The following KIAA1549L variants were observed in gnomAD, a reference collection of about 807,000 sequenced individuals.
KIAA1549L encodes KIAA1549 like.
In KIAA1549L, 88 loss-of-function variants were observed where a neutral mutation model predicts 160.7. That is an observed-to-expected ratio of 0.55 (90% confidence interval 0.46 to 0.65). The LOEUF (loss-of-function observed/expected upper bound fraction) is 0.65, where lower values mean the gene tolerates loss of function less well. KIAA1549L is among the 30% of genes least tolerant of loss of function. The pLI is 0.00. For synonymous variants in KIAA1549L, 950 were observed against 976.7 expected (o/e 0.97, Z 0.51); for missense variants, 2,258 against 2,437.5 (o/e 0.93, Z 1.55).
Position 33,542,653 on chromosome 11 carries a change from C to T in KIAA1549L, c.1090C>T (p.Leu364Phe). The change falls in exon 2 of 21, where the codon CTT (leucine) becomes TTT (phenylalanine). Residue 364 changes from leucine to phenylalanine, a missense_variant. Transcript: ENST00000658780. ...TCCCCCTCCCCCAGCACTTGGAAGT[C>T]TTCTTCAGCTTCCAGATGGAAGCCC... ...PSPPPPALGSLLQLPDGSPSW... is the reference protein window; with the variant it reads ...PSPPPPALGSFLQLPDGSPSW... 3 of 1,613,792 alleles carry T rather than the reference C, an allele frequency of 1.9e-6. No homozygotes were observed. Among genetic ancestry groups the T allele is most frequent in the Non-Finnish European group, 2.5e-6 (3 of 1,179,802 alleles).
At chr11:33,526,232 C>G (rs1169884458) in intron 1 of KIAA1549L, among the ~76,000 whole-genome samples, 1 of 152,172 alleles carries the variant, frequency 6.6e-6, no homozygotes, top group Non-Finnish European at 1.5e-5. Context: ...GCCATTACAG[C>G]AACTCATAAC....
At chr11:33,405,123 C>T (rs1480381836) in intron 1 of KIAA1549L, among the ~76,000 whole-genome samples, 1 of 151,588 alleles carries the variant, frequency 6.6e-6, no homozygotes, top group Non-Finnish European at 1.5e-5. Flanking sequence ...TTATATGAAA[C>T]CATTATTCAA....
At chr11:33,644,225 T>C (rs1851659618) in intron 16 of KIAA1549L, among the ~76,000 whole-genome samples, 2 of 152,240 alleles carry the variant, frequency 1.3e-5, no homozygotes, top group Admixed American at 1.3e-4. Context: ...GTCCTAACTC[T>C]AGGAGATAAG....
chr11:33,389,583 A>T (rs1850234205), intron 1 of KIAA1549L, among the ~76,000 whole-genome samples: 1 of 152,232 alleles, frequency 6.6e-6, no homozygotes, highest in Non-Finnish European at 1.5e-5. Flanking sequence ...TGAACGTATG[A>T]ATCAAGCTGG....
intron 7 of KIAA1549L, 101 bp from the exon 8 acceptor site, chr11:33,561,575 T>C (rs1854859517): frequency 1.1e-6 from 1 of 948,218 alleles, no homozygotes; most frequent in Non-Finnish European, 1.7e-6. Context: ...AAGAACAGCC[T>C]GGGCAACATA....
rs1418034628 is a variant in KIAA1549L at position 33,668,050 on chromosome 11, G to A, written c.6337G>A (p.Ala2113Thr). 5.0e-6 allele frequency: 8 copies of A among 1,613,888 alleles called. No homozygotes were observed. Among genetic ancestry groups the A allele is most frequent in the African/African-American group, 2.7e-5 (2 of 74,934 alleles). The change falls in exon 21 of 21, where the codon GCT (alanine) becomes ACT (threonine). Residue 2113 changes from alanine to threonine, a missense_variant. Ala to Thr is a moderately conservative substitution (Grantham distance 58). Coordinates refer to ENST00000658780, the MANE Select transcript of KIAA1549L (RefSeq NM_012194.3). ...QSLAENDPSD[A>T]PLTNISTAAL... ...CCTGGCAGAAAACGACCCGTCTGAC[G>A]CTCCCCTGACCAACATCTCCACTGC...
chr11:33,440,461 G>A (rs1830732), intron 1 of KIAA1549L, among the ~76,000 whole-genome samples: 67,731 of 151,968 alleles, frequency 0.45, 15,332 homozygotes, highest in Admixed American at 0.49. Context: ...TAAACACTCT[G>A]TTTCTATTCT....
rs550839787 is a variant in KIAA1549L, at chr11:33,478,313, T to G, written c.239-63489T>G. Among the ~76,000 whole-genome samples, 12 of 152,358 alleles carry G rather than the reference T, an allele frequency of 7.9e-5. No individual in the cohort carries two copies. In the East Asian group the frequency reaches 1.9e-3, roughly 24 times the overall value. On this transcript the variant is annotated intron_variant, in intron 1 of 20. Coordinates refer to ENST00000658780, the MANE Select transcript of KIAA1549L (RefSeq NM_012194.3). ...CTAGCCTGACAAGCATGCCTGGCTT[T>G]GCAAGCCCCCCAGACGGGCAAAGGT...
At chr11:33,507,106 A>G (rs1853109794) in intron 1 of KIAA1549L, among the ~76,000 whole-genome samples, 1 of 152,216 alleles carries the variant, frequency 6.6e-6, no homozygotes, top group African/African-American at 2.4e-5. Context: ...GAAGGAACAT[A>G]GGGAGATCTG....
chr11:33,650,110 G>A (rs191492606), intron 17 of KIAA1549L, among the ~76,000 whole-genome samples: 5 of 152,130 alleles, frequency 3.3e-5, no homozygotes, highest in African/African-American at 4.8e-5. Context: ...GGTCCAGCTC[G>A]CAGGAGTCCT....
chr11:33,402,226 G>T (rs532469293), intron 1 of KIAA1549L, among the ~76,000 whole-genome samples: 1 of 152,270 alleles, frequency 6.6e-6, no homozygotes, highest in South Asian at 2.1e-4. Flanking sequence ...TGTATTCCTA[G>T]TCTTGGTGAA....
At chr11:33,564,612 CAG>C (rs1199247532) in intron 8 of KIAA1549L, among the ~76,000 whole-genome samples, 1 of 152,220 alleles carries the variant, frequency 6.6e-6, no homozygotes, top group African/African-American at 2.4e-5. Context: ...TGCTGCCAGA[CAG>C]AGGGGACAGC....
chr11:33,415,122 A>G lies in KIAA1549L; in HGVS notation c.238+38233A>G, dbSNP rs534949314. Among the ~76,000 whole-genome samples, 5 of 152,004 alleles carry G rather than the reference A, an allele frequency of 3.3e-5. No individual in the cohort carries two copies. In the South Asian group the frequency reaches 1.0e-3, roughly 32 times the overall value. ...GTGAAATACTAGATAAGCCAAGTCT[A>G]CCTTTCCCTGCTTCTTGCTCCAGTT... On this transcript the variant is annotated intron_variant, in intron 1 of 20. Transcript: ENST00000658780.
chr11:33,589,016 G>A (rs559324507), intron 11 of KIAA1549L, among the ~76,000 whole-genome samples: 4 of 152,266 alleles, frequency 2.6e-5, no homozygotes, highest in South Asian at 4.1e-4. Context: ...TGTTAAATCC[G>A]CTGGAACCTT....
At chr11:33,480,777 A>C (rs1328455690) in intron 1 of KIAA1549L, among the ~76,000 whole-genome samples, 2 of 152,306 alleles carry the variant, frequency 1.3e-5, no homozygotes, top group African/African-American at 4.8e-5. Context: ...CAAACTCTGC[A>C]GTGAGACTGC....
At chr11:33,594,113 C>T (rs1047848226) in intron 12 of KIAA1549L, among the ~76,000 whole-genome samples, 7 of 152,194 alleles carry the variant, frequency 4.6e-5, no homozygotes, top group Middle Eastern at 3.4e-3. Flanking sequence ...GAGGGATCGT[C>T]TGTATCAATT....
chr11:33,452,040 C>A (rs974711040), intron 1 of KIAA1549L, among the ~76,000 whole-genome samples: 19 of 152,264 alleles, frequency 1.2e-4, no homozygotes, highest in African/African-American at 4.6e-4. Flanking sequence ...ATGATTTTCC[C>A]CATTGTGCTA....
chr11:33,585,292 G>A (rs1855775450), intron 11 of KIAA1549L, among the ~76,000 whole-genome samples: 4 of 152,210 alleles, frequency 2.6e-5, no homozygotes, highest in Admixed American at 2.6e-4. Context: ...GCCGAGGCGG[G>A]CGGATCACCT....
intron 1 of KIAA1549L, among the ~76,000 whole-genome samples, chr11:33,510,339 C>T (rs957001316): frequency 6.6e-6 from 1 of 152,150 alleles, no homozygotes; most frequent in African/African-American, 2.4e-5. Context: ...GCATGCACCA[C>T]CACTCCCAGC....
Sources: allele counts gnomAD v4.1 joint callset (sites outside exome capture counted in the v4.1 genomes callset), GRCh38; gene constraint gnomAD v4.1.1; transcripts MANE v1.5; gene names NCBI Gene and HGNC (gene_info 2026-07-23, HGNC 2026-07-21).